Variants in PCDH7 observed in about 807,000 individuals in gnomAD.
The protein encoded by PCDH7 is protocadherin-7.
In PCDH7, 17 loss-of-function variants were observed where a neutral mutation model predicts 58.9. The ratio of observed to expected loss-of-function variants is 0.29; its 90% CI spans 0.20 to 0.43. The LOEUF is 0.43. PCDH7 is among the 20% of genes least tolerant of loss of function. PCDH7 has a pLI of 1.00. For missense variants in PCDH7, 1,274 were observed against 1,441.0 expected (o/e 0.88, Z 1.88); for synonymous variants, 664 against 616.4 (o/e 1.08, Z -1.14).
chr4:30,887,012 G>A, intron 1 of PCDH7, among the ~76,000 whole-genome samples: 1 of 146,852 alleles, frequency 6.8e-6, no homozygotes, highest in East Asian at 2.1e-4. Flanking sequence ...GATAGCATTG[G>A]GAGATATACC....
intron 1 of PCDH7, among the ~76,000 whole-genome samples, chr4:30,833,328 A>G (rs1730045080): frequency 6.6e-6 from 1 of 152,022 alleles, no homozygotes; most frequent in Non-Finnish European, 1.5e-5. Context: ...TGCCTCTTTC[A>G]GCTTCTAGAC....
intron 3 of PCDH7, among the ~76,000 whole-genome samples, chr4:31,040,397 T>C (rs1755761220): frequency 6.6e-6 from 1 of 152,220 alleles, no homozygotes; most frequent in Admixed American, 6.5e-5. Context: ...TTTTGCTCAA[T>C]TAAATGTGCA....
At chr4:30,755,098 C>G (rs1719107615) in intron 1 of PCDH7, among the ~76,000 whole-genome samples, 1 of 152,126 alleles carries the variant, frequency 6.6e-6, no homozygotes, top group African/African-American at 2.4e-5. Flanking sequence ...GAACCTAGGG[C>G]TAGCTGACTC....
intron 3 of PCDH7, among the ~76,000 whole-genome samples, chr4:31,056,127 G>A (rs894586798): frequency 2.0e-5 from 3 of 151,954 alleles, no homozygotes; most frequent in South Asian, 2.1e-4. Context: ...TCAATACTTC[G>A]GGAGTCTGAG....
At chr4:30,880,036 A>T (rs977861891) in intron 1 of PCDH7, among the ~76,000 whole-genome samples, 2 of 151,812 alleles carry the variant, frequency 1.3e-5, no homozygotes, top group Admixed American at 1.3e-4. Flanking sequence ...TGGAACCCCC[A>T]CTCTTAGTCA....
intron 3 of PCDH7, among the ~76,000 whole-genome samples, chr4:31,123,186 A>G (rs1717895655): frequency 6.6e-6 from 1 of 152,106 alleles, no homozygotes; most frequent in Admixed American, 6.5e-5. Context: ...TGAATCTCTA[A>G]TCTTTCATTT....
rs527884125 is a variant in PCDH7 at position 30,837,642 on chromosome 4, C to T, written c.71-82511C>T. ...TTTCATTTGTTTTTGAGTTAATAAA[C>T]GCAAAGGTTTGATAAATTTTTCCTT... On this transcript the variant is annotated intron_variant, in intron 1 of 3. Coordinates refer to the PCDH7 transcript ENST00000509759. Among the ~76,000 whole-genome samples, 17 of 151,762 alleles carry T rather than the reference C, an allele frequency of 1.1e-4. 1 individual carries two copies. In the East Asian group the frequency reaches 1.4e-3, roughly 12 times the overall value.
intron 3 of PCDH7, among the ~76,000 whole-genome samples, chr4:30,968,319 C>CACAATA (rs369540529): frequency 2.4e-5 from 2 of 82,596 alleles, no homozygotes; most frequent in Non-Finnish European, 4.7e-5. Flanking sequence ...TATATATACA[C>CACAATA]TATATATATA....
chr4:30,846,878 T>G (rs1273085459), intron 1 of PCDH7, among the ~76,000 whole-genome samples: 2 of 152,008 alleles, frequency 1.3e-5, no homozygotes, highest in Non-Finnish European at 2.9e-5. Context: ...AATCTCAGCA[T>G]TTTGGAAGGC....
At chr4:30,825,872 G>T (rs1263887672) in intron 1 of PCDH7, among the ~76,000 whole-genome samples, 2 of 152,104 alleles carry the variant, frequency 1.3e-5, no homozygotes, top group Admixed American at 6.6e-5. Flanking sequence ...ATAAGATGGG[G>T]TGGCTGCCAG....
chr4:31,127,213 A>G (rs1718416195), intron 3 of PCDH7, among the ~76,000 whole-genome samples: 1 of 152,198 alleles, frequency 6.6e-6, no homozygotes, highest in Non-Finnish European at 1.5e-5. Context: ...TAATTTTGCC[A>G]TGATTATCTA....
intron 3 of PCDH7, among the ~76,000 whole-genome samples, chr4:31,056,545 GGA>G (rs1383478831): frequency 1.1e-4 from 16 of 143,990 alleles, no homozygotes; most frequent in African/African-American, 2.6e-4. Context: ...AAGGAGAGAG[GGA>G]GAGAGAGAGA....
chr4:30,721,487 C>G lies in PCDH7; in HGVS notation c.65C>G (p.Pro22Arg), dbSNP rs781622062. 13 of 1,592,544 alleles carry G rather than the reference C, an allele frequency of 8.2e-6. No individual in the cohort carries two copies. Among genetic ancestry groups the G allele is most frequent in the African/African-American group, 1.3e-5 (1 of 74,892 alleles). ...TGCTTGGGCTGCTGCCTCCTCCTGC[C>G]GCTCTCGCTCAGCCTGGCGGCCGCC... Residue 22 changes from proline to arginine, a missense_variant, in exon 1 of 2, where the codon CCG (proline) becomes CGG (arginine). Physicochemically the swap from Pro to Arg is moderately radical, Grantham distance 103. Coordinates refer to ENST00000361762, the Ensembl canonical transcript of PCDH7. The surrounding 1 kb of genome is among the most constrained non-coding windows in gnomAD (Gnocchi z 6.7).
rs769689279 is a variant in PCDH7 at position 30,724,690 on chromosome 4, A to T, written c.3174+94A>T. 2.3e-5 allele frequency: 34 copies of T among 1,466,300 alleles called. No individual in the cohort carries two copies. The African/African-American group carries it at 3.7e-4, about 16-fold the overall frequency. 90.8% of individuals were successfully genotyped at this position (1,466,300 alleles called of 1,614,324 possible). A position where few individuals can be genotyped will look rare whatever the true frequency, so the allele number is the denominator to read the frequency against. Reference sequence around the variant, plus strand: ...TGTAAAGTTTTGTCTTCTCGTTTTTAAAGTTATTAAAATTTTAACAGTAGG... The same window carrying T: ...TGTAAAGTTTTGTCTTCTCGTTTTTTAAGTTATTAAAATTTTAACAGTAGG... On this transcript the variant is annotated intron_variant, in intron 1 of 1. Transcript: ENST00000361762.
chr4:30,997,735 A>G (rs1752030051), intron 3 of PCDH7, among the ~76,000 whole-genome samples: 1 of 152,190 alleles, frequency 6.6e-6, no homozygotes, highest in Non-Finnish European at 1.5e-5. Context: ...GTTGGAGGTG[A>G]TAATATATGC....
chr4:30,769,750 C>T (rs1404922996), intron 1 of PCDH7, among the ~76,000 whole-genome samples: 1 of 152,108 alleles, frequency 6.6e-6, no homozygotes, highest in African/African-American at 2.4e-5. Context: ...TTATGTTTAT[C>T]TTACATAATT....
chr4:30,834,413 C>T (rs1053152632), intron 1 of PCDH7, among the ~76,000 whole-genome samples: 1 of 152,064 alleles, frequency 6.6e-6, no homozygotes, highest in Non-Finnish European at 1.5e-5. Context: ...GAAATTGAGG[C>T]ATAGAAGGGT....
At chr4:30,982,241 G>A (rs1327684255) in intron 3 of PCDH7, among the ~76,000 whole-genome samples, 3 of 152,194 alleles carry the variant, frequency 2.0e-5, no homozygotes, top group Non-Finnish European at 2.9e-5. Flanking sequence ...CAGGAGCAGT[G>A]TGCCAAGGGG....
At chr4:30,964,050 G>A (rs1233940737) in intron 3 of PCDH7, among the ~76,000 whole-genome samples, 1 of 152,002 alleles carries the variant, frequency 6.6e-6, no homozygotes, top group Non-Finnish European at 1.5e-5. Flanking sequence ...AAAAAATATT[G>A]CATTGTCTAT....
Sources: allele counts gnomAD v4.1 joint callset (sites outside exome capture counted in the v4.1 genomes callset), GRCh38; gene constraint gnomAD v4.1.1; non-coding constraint Gnocchi (gnomAD v3.1); transcripts MANE v1.5; gene names NCBI Gene and HGNC (gene_info 2026-07-23, HGNC 2026-07-21).